GABRA2: variants seen among roughly 807,000 people sequenced by gnomAD.
GABRA2 encodes the protein gamma-aminobutyric acid receptor subunit alpha-2.
GABRA2 carries 16 observed loss-of-function variants against 48.7 expected under a neutral mutation model. The ratio of observed to expected loss-of-function variants is 0.33; its 90% CI spans 0.22 to 0.50. The LOEUF is 0.50. Among genes scored for constraint, GABRA2 ranks in the 20% least tolerant of loss-of-function variants. The pLI is 0.98. For synonymous variants in GABRA2, 185 were observed against 184.5 expected (o/e 1.00, Z -0.02); for missense variants, 275 against 535.6 (o/e 0.51, Z 4.80).
intron 8 of GABRA2, among the ~76,000 whole-genome samples, chr4:46,278,982 T>A (rs1217476057): frequency 6.6e-6 from 1 of 151,482 alleles, no homozygotes; most frequent in Non-Finnish European, 1.5e-5. Context: ...ATTATATATT[T>A]AATATTTGGT....
intron 3 of GABRA2, among the ~76,000 whole-genome samples, chr4:46,384,606 T>C (rs868727118): frequency 3.3e-5 from 5 of 152,138 alleles, no homozygotes; most frequent in African/African-American, 1.2e-4. Flanking sequence ...TGACAGCAGG[T>C]GATTTATTTT....
chr4:46,269,110 T>G (rs915131519), intron 8 of GABRA2, among the ~76,000 whole-genome samples: 1 of 151,216 alleles, frequency 6.6e-6, no homozygotes, highest in Non-Finnish European at 1.5e-5. Context: ...AATTTTGATG[T>G]TTTTTTGAGA....
chr4:46,378,031 G>A (rs1004854240), intron 3 of GABRA2, among the ~76,000 whole-genome samples: 5 of 121,858 alleles, frequency 4.1e-5, no homozygotes, highest in African/African-American at 1.7e-4. Context: ...CCGGGAGGGA[G>A]GTGGGGGGTT....
chr4:46,265,423 T>G (rs1717948860), intron 8 of GABRA2, among the ~76,000 whole-genome samples: 1 of 117,600 alleles, frequency 8.5e-6, no homozygotes. Context: ...TATAATATAT[T>G]GTGTATATAT....
At chr4:46,317,641 G>T (rs1379538490) in intron 4 of GABRA2, among the ~76,000 whole-genome samples, 1 of 151,380 alleles carries the variant, frequency 6.6e-6, no homozygotes. Flanking sequence ...GGATTCAGAA[G>T]ATTACTGATA....
intron 3 of GABRA2, among the ~76,000 whole-genome samples, chr4:46,376,525 A>G (rs1719512067): frequency 6.6e-6 from 1 of 152,156 alleles, no homozygotes; most frequent in African/African-American, 2.4e-5. Flanking sequence ...GCGATGGTTG[A>G]AAAAACCAAC....
intron 3 of GABRA2, 72 bp from the exon 4 acceptor site, chr4:46,332,754 C>G: frequency 1.1e-6 from 1 of 905,020 alleles, no homozygotes; most frequent in Non-Finnish European, 1.8e-6. Flanking sequence ...GGTTTGAGTA[C>G]ACGGTATGGT....
chr4:46,355,099 C>G (rs929009843), intron 3 of GABRA2, among the ~76,000 whole-genome samples: 3 of 152,072 alleles, frequency 2.0e-5, no homozygotes, highest in Admixed American at 2.0e-4. Context: ...CCTCCACCCA[C>G]GTCAACACTT....
At position 46,245,485 on chromosome 4, in the gene GABRA2, G is replaced by T. The variant is rs965597788; in HGVS notation, c.*4823C>A. Among the ~76,000 whole-genome samples, 1 of 150,926 alleles carries T rather than the reference G, an allele frequency of 6.6e-6. No individual in the cohort carries two copies. Among genetic ancestry groups the T allele is most frequent in the African/African-American group, 2.4e-5 (1 of 41,222 alleles). On this transcript the variant is annotated 3_prime_UTR_variant, in exon 10 of 10. Transcript: ENST00000381620. ...AAAAAGTTTACACCAACATAGAAAA[G>T]ATATTTTTAACCATATGCATAACTC...
At chr4:46,261,308 A>G (rs1005074168) in intron 9 of GABRA2, 1 of 152,588 alleles carries the variant, frequency 6.6e-6, no homozygotes, top group African/African-American at 2.4e-5. Flanking sequence ...GCATTCCAGC[A>G]CCGACATATT....
chr4:46,388,047 C>T (rs1717705812), intron 2 of GABRA2, among the ~76,000 whole-genome samples: 1 of 151,960 alleles, frequency 6.6e-6, no homozygotes, highest in East Asian at 1.9e-4. Flanking sequence ...ATCAGTACTC[C>T]TGACTGTAAG....
At chr4:46,282,416 T>C (rs1721709237) in intron 8 of GABRA2, among the ~76,000 whole-genome samples, 1 of 152,146 alleles carries the variant, frequency 6.6e-6, no homozygotes, top group African/African-American at 2.4e-5. Context: ...TTAGACAAAC[T>C]TGTGACTAAT....
chr4:46,389,629 G>T, intron 1 of GABRA2, 106 bp downstream of exon 1: 1 of 669,394 alleles, frequency 1.5e-6, no homozygotes, highest in Non-Finnish European at 1.8e-6. Flanking sequence ...AGCCTCCTCC[G>T]TTTCCAGGGA....
At chr4:46,286,812 A>G (rs559768866) in intron 8 of GABRA2, among the ~76,000 whole-genome samples, 2 of 152,196 alleles carry the variant, frequency 1.3e-5, no homozygotes, top group South Asian at 4.1e-4. Context: ...ATTTTTGTTT[A>G]TGAGTTAGAG....
At chr4:46,298,797 G>T (rs910048023) in intron 8 of GABRA2, among the ~76,000 whole-genome samples, 5 of 151,912 alleles carry the variant, frequency 3.3e-5, no homozygotes, top group African/African-American at 1.2e-4. Flanking sequence ...GCACTAACAG[G>T]TGAAGATATT....
chr4:46,363,744 G>A (rs1428852868), intron 3 of GABRA2: 9 of 152,046 alleles, frequency 5.9e-5, no homozygotes, highest in Non-Finnish European at 1.5e-5. Context: ...TTCAATATGA[G>A]CAAGGATGAT....
intron 3 of GABRA2, among the ~76,000 whole-genome samples, chr4:46,346,405 T>TA (rs1005966077): frequency 2.0e-5 from 3 of 151,256 alleles, no homozygotes; most frequent in Admixed American, 6.6e-5. Context: ...TTAAGAATAA[T>TA]AAAAAAAACT....
chr4:46,250,729 G>A (rs1027362877), intron 9 of GABRA2, 125 bp from the exon 10 acceptor site: 10 of 653,530 alleles, frequency 1.5e-5, no homozygotes, highest in African/African-American at 1.1e-4. Context: ...GCAAAAAACA[G>A]AAATTAGGAA....
At chr4:46,260,997 T>C (rs1420132260) in intron 9 of GABRA2, 1 of 151,938 alleles carries the variant, frequency 6.6e-6, no homozygotes, top group Non-Finnish European at 1.5e-5. Context: ...TCTGCAAGTA[T>C]GTTAATCCAA....
Sources: allele counts gnomAD v4.1 joint callset (sites outside exome capture counted in the v4.1 genomes callset), GRCh38; gene constraint gnomAD v4.1.1; transcripts MANE v1.5; gene names NCBI Gene and HGNC (gene_info 2026-07-23, HGNC 2026-07-21).